PTPN9: variants seen among roughly 807,000 people sequenced by gnomAD.
PTPN9 encodes tyrosine-protein phosphatase non-receptor type 9.
In PTPN9, 26 loss-of-function variants were observed where a neutral mutation model predicts 69.8. That is an observed-to-expected ratio of 0.37 (90% confidence interval 0.27 to 0.52). The LOEUF (loss-of-function observed/expected upper bound fraction) is 0.52, where lower values mean the gene tolerates loss of function less well. Among genes scored for constraint, PTPN9 ranks in the 20% least tolerant of loss-of-function variants. The pLI is 0.91. For missense variants in PTPN9, 549 were observed against 740.3 expected, an observed-to-expected ratio of 0.74 and a Z score of 3.00; for synonymous variants, 274 against 272.5, an observed-to-expected ratio of 1.01 and a Z score of -0.05.
intron 1 of PTPN9, among the ~76,000 whole-genome samples, chr15:75,573,772 A>G (rs1182590060): frequency 6.6e-6 from 1 of 152,258 alleles, no homozygotes; most frequent in Non-Finnish European, 1.5e-5. Context: ...CCCAACCCTC[A>G]TAGAGCTTGC....
intron 1 of PTPN9, among the ~76,000 whole-genome samples, chr15:75,530,601 TATA>T (rs1358152041): frequency 1.2e-4 from 10 of 81,162 alleles, no homozygotes; most frequent in African/African-American, 1.6e-4. Context: ...ATTATTATAT[TATA>T]ATATACTATA....
At chr15:75,515,098 T>C (rs2074862579) in intron 5 of PTPN9, among the ~76,000 whole-genome samples, 1 of 152,008 alleles carries the variant, frequency 6.6e-6, no homozygotes, top group African/African-American at 2.4e-5. Flanking sequence ...AGGGGTAAAA[T>C]TAGTAGGAGA....
chr15:75,558,520 TCCCCCTCTCCCCAC>T, intron 1 of PTPN9, among the ~76,000 whole-genome samples: 1 of 150,464 alleles, frequency 6.6e-6, no homozygotes, highest in Admixed American at 6.6e-5. Flanking sequence ...CCTCTCCCCC[TCCCCCTCTCCCCAC>T]GGTCTCCCGA....
rs1186930930 is a variant in PTPN9, at chr15:75,468,925, A to G, written c.1626T>C (p.Asn542=). The G allele has an allele frequency of 6.2e-7, 1 of 1,614,174 alleles. No homozygotes were observed. Residue 542 remains asparagine (N), a synonymous_variant, in exon 13 of 13, where the codon AAT becomes AAC. Coordinates refer to ENST00000618819, the MANE Select transcript of PTPN9 (RefSeq NM_002833.4). ...TCATGCGTGACACCGTCTGGAACACATTAAGGGTGCCAAGCTCCTCCAGCT... is the reference window on the plus strand; with the variant it reads ...TCATGCGTGACACCGTCTGGAACACGTTAAGGGTGCCAAGCTCCTCCAGCT... ...LAQLEELGTL[N]VFQTVSRMRT...
intron 1 of PTPN9, among the ~76,000 whole-genome samples, chr15:75,530,954 T>C (rs947892468): frequency 2.0e-4 from 26 of 128,858 alleles, no homozygotes; most frequent in African/African-American, 7.6e-4. Context: ...ATATTATATA[T>C]AATATATATA....
In PTPN9 at chr15:75,502,541, A is replaced by ATATG. The variant is rs368564631; in HGVS notation, c.968+3130_968+3133dup. 7.8e-3 allele frequency among the ~76,000 whole-genome samples: 1,183 copies of ATATG among 152,150 alleles called. 17 individuals carry two copies. Among genetic ancestry groups the ATATG allele is most frequent in the African/African-American group, 0.026 (1,085 of 41,500 alleles). ...AATTTGTGTGTGGGTGTGTATATAT[A>ATATG]TATGTATGTATGTATATATAGTTAT... On this transcript the variant is annotated intron_variant, in intron 7 of 12. Coordinates refer to ENST00000618819, the MANE Select transcript of PTPN9 (RefSeq NM_002833.4).
At chr15:75,491,402 CAA>C (rs11414287) in intron 7 of PTPN9, among the ~76,000 whole-genome samples, 11 of 132,208 alleles carry the variant, frequency 8.3e-5, no homozygotes, top group Admixed American at 7.8e-5. Flanking sequence ...GACTTTATCT[CAA>C]AAAAAAAAAA....
intron 1 of PTPN9, among the ~76,000 whole-genome samples, chr15:75,551,095 T>A (rs1315855574): frequency 6.6e-6 from 1 of 152,158 alleles, no homozygotes; most frequent in African/African-American, 2.4e-5. Context: ...TTGTAGATAT[T>A]AAGACTTTTA....
chr15:75,548,596 T>C (rs2075044057), intron 1 of PTPN9, among the ~76,000 whole-genome samples: 1 of 150,888 alleles, frequency 6.6e-6, no homozygotes, highest in Non-Finnish European at 1.5e-5. Flanking sequence ...CAGATGGTGG[T>C]ATTGCTTTTT....
chr15:75,571,195 G>A (rs913482189), intron 1 of PTPN9, among the ~76,000 whole-genome samples: 3 of 152,130 alleles, frequency 2.0e-5, no homozygotes, highest in African/African-American at 4.8e-5. Flanking sequence ...GGGAGGCGGC[G>A]GTTGCAGTGA....
At position 75,463,445 on chromosome 15, in the gene PTPN9, G is replaced by T. The variant is rs1469059329; in HGVS notation, c.*5324C>A. The T allele has an allele frequency of 6.6e-6, 1 of 152,202 alleles. No individual in the cohort carries two copies. Among genetic ancestry groups the T allele is most frequent in the Admixed American group, 6.5e-5 (1 of 15,270 alleles). The allele number at this position is 152,202 out of a possible 1,614,324, so 9.4% of individuals were successfully genotyped here. ...ATTATAATGTGCGGGGAGGGGAGAC[G>T]GACGTGAGCCTGGAGTCTGAGAGGG... On this transcript the variant is annotated 3_prime_UTR_variant, in exon 13 of 13. Coordinates refer to ENST00000618819, the MANE Select transcript of PTPN9 (RefSeq NM_002833.4).
At chr15:75,508,278 A>T (rs540237656) in intron 6 of PTPN9, among the ~76,000 whole-genome samples, 2 of 152,254 alleles carry the variant, frequency 1.3e-5, no homozygotes, top group East Asian at 3.9e-4. Flanking sequence ...GGCTGGTCTC[A>T]AACTCCTGGC....
chr15:75,520,600 C>T (rs1020882762), intron 4 of PTPN9, among the ~76,000 whole-genome samples: 2 of 151,824 alleles, frequency 1.3e-5, no homozygotes, highest in Non-Finnish European at 2.9e-5. Flanking sequence ...TCACTGCAAC[C>T]TCCGCCCAAG....
At chr15:75,544,213 G>A (rs1370582393) in intron 1 of PTPN9, among the ~76,000 whole-genome samples, 2 of 152,074 alleles carry the variant, frequency 1.3e-5, no homozygotes, top group South Asian at 2.1e-4. Flanking sequence ...GAAGAGAAAC[G>A]GAAAAAAACG....
intron 1 of PTPN9, among the ~76,000 whole-genome samples, chr15:75,568,640 G>A (rs560242825): frequency 2.2e-4 from 34 of 151,254 alleles, no homozygotes; most frequent in African/African-American, 8.3e-4. Context: ...TTCGGGACCA[G>A]CCTAGGCAAG....
chr15:75,480,380 G>A (rs1595947299), intron 8 of PTPN9, among the ~76,000 whole-genome samples: 1 of 152,258 alleles, frequency 6.6e-6, no homozygotes, highest in African/African-American at 2.4e-5. Context: ...CGAGGAGGGT[G>A]GATCACGAGG....
chr15:75,513,971 C>T (rs770923002), intron 5 of PTPN9, among the ~76,000 whole-genome samples: 19 of 151,682 alleles, frequency 1.3e-4, no homozygotes. Context: ...TGGTGACGAG[C>T]ACCTGTAATC....
chr15:75,490,757 T>C (rs1443542629), intron 7 of PTPN9, among the ~76,000 whole-genome samples: 4 of 152,276 alleles, frequency 2.6e-5, no homozygotes, highest in East Asian at 3.9e-4. Flanking sequence ...CCTGAGTAGC[T>C]GGGACTACAG....
chr15:75,570,200 G>C (rs1849361405), intron 1 of PTPN9: 1 of 152,126 alleles, frequency 6.6e-6, no homozygotes, highest in South Asian at 2.1e-4. Flanking sequence ...TAAACTATCA[G>C]CAATAATGAA....
Sources: gnomAD v4.1 joint callset for allele counts (sites outside exome capture counted in the v4.1 genomes callset) on GRCh38, gnomAD v4.1.1 for gene constraint, MANE v1.5 for transcripts, NCBI Gene and HGNC (gene_info 2026-07-23, HGNC 2026-07-21) for gene names.